The following RERE variants were observed in gnomAD, a reference collection of about 807,000 sequenced individuals.
The protein encoded by RERE is arginine-glutamic acid dipeptide repeats, also known as arginine-glutamic acid dipeptide repeats protein.
A neutral mutation model predicts 146.1 loss-of-function variants in RERE; 40 were observed. The ratio of observed to expected loss-of-function variants is 0.27; its 90% CI spans 0.21 to 0.36. RERE has a LOEUF of 0.36. RERE is among the 10% of genes least tolerant of loss of function. RERE has a pLI of 1.00. For synonymous variants in RERE, 1,003 were observed against 866.0 expected, an observed-to-expected ratio of 1.16 and a Z score of -2.78; for missense variants, 1,933 against 2,138.7, an observed-to-expected ratio of 0.90 and a Z score of 1.90.
intron 1 of RERE, among the ~76,000 whole-genome samples, chr1:8,776,725 A>C (rs1033546402): frequency 4.0e-5 from 6 of 151,628 alleles, no homozygotes; most frequent in African/African-American, 1.5e-4. Context: ...TTTTTATTTT[A>C]TTATCTTTTT....
In RERE at chr1:8,361,127, G is replaced by A. The variant is rs1295226873; in HGVS notation, c.2380C>T (p.Pro794Ser). 7.6e-6 allele frequency: 11 copies of A among 1,445,216 alleles called. No homozygotes were observed. Among genetic ancestry groups the A allele is most frequent in the African/African-American group, 1.4e-5 (1 of 69,824 alleles). 89.5% of individuals were successfully genotyped at this position (1,445,216 alleles called of 1,614,324 possible). ...APNQPQAPTA[P>S]VPHTHIQQAP... ...TGTTGGATGTGGGTGTGGGGAACAG[G>A]CGCTGTGGGAGCCTGTGGCTGGTTA... Residue 794 changes from proline to serine, a missense_variant, in exon 18 of 23, where the codon CCT becomes TCT. Pro to Ser is a moderately conservative substitution (Grantham distance 74, BLOSUM62 -1). Coordinates refer to ENST00000400908, the MANE Select transcript of RERE (RefSeq NM_001042681.2).
At chr1:8,743,394 T>C (rs2124506017) in intron 1 of RERE, among the ~76,000 whole-genome samples, 1 of 150,826 alleles carries the variant, frequency 6.6e-6, no homozygotes, top group South Asian at 2.1e-4. Context: ...TCCTCCCACC[T>C]CAGCCTCCCG....
chr1:8,436,902 G>C (rs936090795), intron 11 of RERE, among the ~76,000 whole-genome samples: 1 of 152,148 alleles, frequency 6.6e-6, no homozygotes, highest in Non-Finnish European at 1.5e-5. Flanking sequence ...AGCCACAAGA[G>C]ACCAGTGGTT....
chr1:8,453,215 C>T (rs1644408857), intron 11 of RERE, among the ~76,000 whole-genome samples: 1 of 152,184 alleles, frequency 6.6e-6, no homozygotes, highest in Admixed American at 6.5e-5. Flanking sequence ...GTTGGGTTGT[C>T]TCAAAGGACG....
intron 2 of RERE, among the ~76,000 whole-genome samples, chr1:8,625,424 T>G (rs909013061): frequency 4.6e-5 from 7 of 152,194 alleles, no homozygotes; most frequent in Admixed American, 3.9e-4. Flanking sequence ...TACTGAAAAG[T>G]AAAGGCACAG....
At position 8,502,230 on chromosome 1, in the gene RERE, T is replaced by C. The variant is rs868173644; in HGVS notation, c.880-4701A>G. 3.4e-4 allele frequency among the ~76,000 whole-genome samples: 27 copies of C among 80,078 alleles called. 1 individual carries two copies. Among genetic ancestry groups the C allele is most frequent in the African/African-American group, 9.9e-4 (19 of 19,222 alleles). 52.5% of individuals were successfully genotyped at this position (80,078 alleles called of 152,430 possible). A position where few individuals can be genotyped will look rare whatever the true frequency, so the allele number is the denominator to read the frequency against. ...GAGGTGGGGGGATCAGCCCCCCGCC[T>C]GGCCAGCCACCCCGTCCGGGAGGTG... On this transcript the variant is annotated intron_variant, in intron 8 of 22. Coordinates refer to ENST00000400908, the MANE Select transcript of RERE (RefSeq NM_001042681.2).
intron 7 of RERE, among the ~76,000 whole-genome samples, chr1:8,539,436 T>C (rs1380841702): frequency 6.6e-6 from 1 of 152,086 alleles, no homozygotes; most frequent in Non-Finnish European, 1.5e-5. Context: ...GATGGAGTCT[T>C]GCTCTGTTGC....
At chr1:8,617,324 C>T (rs991888656) in intron 3 of RERE, among the ~76,000 whole-genome samples, 8 of 102,314 alleles carry the variant, frequency 7.8e-5, no homozygotes, top group African/African-American at 3.2e-4. Context: ...GCCTGGGTGA[C>T]AAGAGTGAAA....
intron 1 of RERE, among the ~76,000 whole-genome samples, chr1:8,681,862 T>C (rs1412855149): frequency 6.6e-6 from 1 of 152,156 alleles, no homozygotes; most frequent in Non-Finnish European, 1.5e-5. Context: ...AAGGCGAAAT[T>C]GATTCTTTTA....
Position 8,501,034 on chromosome 1 carries a change from G to GAC in RERE, c.880-3506_880-3505insGT, listed in dbSNP as rs1412649059. Among the ~76,000 whole-genome samples, 33 of 133,562 alleles carry GAC rather than the reference G, an allele frequency of 2.5e-4. 1 individual carries two copies. The highest frequency in any genetic ancestry group is 1.0e-3 in the African/African-American group (31 of 30,542). 87.6% of individuals were successfully genotyped at this position (133,562 alleles called of 152,430 possible). ...CCCGGCAGCCACCCCGTCCGGGAGGGGGGGGGGGGGTCAGCCCCCCGCCCG... is the reference window on the plus strand; with the variant it reads ...CCCGGCAGCCACCCCGTCCGGGAGGGACGGGGGGGGGGTCAGCCCCCCGCCCG... On this transcript the variant is annotated intron_variant, in intron 8 of 22. Coordinates refer to ENST00000400908, the MANE Select transcript of RERE (RefSeq NM_001042681.2).
intron 1 of RERE, among the ~76,000 whole-genome samples, chr1:8,715,140 G>A (rs922820527): frequency 5.3e-5 from 8 of 151,858 alleles, no homozygotes; most frequent in Non-Finnish European, 7.4e-5. Context: ...CCAAAGTGCC[G>A]GGATTACAGT....
intron 7 of RERE, among the ~76,000 whole-genome samples, chr1:8,540,409 G>A (rs888884010): frequency 1.3e-5 from 2 of 152,182 alleles, no homozygotes; most frequent in Admixed American, 1.3e-4. Context: ...CACTGCACCT[G>A]GCCGGGGATG....
At chr1:8,430,251 C>T (rs1456161177) in intron 11 of RERE, among the ~76,000 whole-genome samples, 1 of 152,162 alleles carries the variant, frequency 6.6e-6, no homozygotes, top group Non-Finnish European at 1.5e-5. Flanking sequence ...TTGAGTAAGG[C>T]ACTACTTTTT....
chr1:8,709,780 A>C (rs1051457035), intron 1 of RERE, among the ~76,000 whole-genome samples: 2 of 152,160 alleles, frequency 1.3e-5, no homozygotes, highest in African/African-American at 4.8e-5. Context: ...GTGCTACAAC[A>C]AACTTCTTTG....
intron 1 of RERE, among the ~76,000 whole-genome samples, chr1:8,668,924 CTGTGTGTGTGTGTGTGTG>C (rs58718828): frequency 2.4e-5 from 2 of 83,536 alleles, no homozygotes; most frequent in South Asian, 4.1e-4. Context: ...GCACTAAACT[CTGTGTGTGTGTGTGTGTG>C]TGTGTGTGTG....
chr1:8,561,241 A>G (rs1363931258), intron 4 of RERE, among the ~76,000 whole-genome samples: 1 of 152,246 alleles, frequency 6.6e-6, no homozygotes, highest in Admixed American at 6.5e-5. Context: ...ATAACCAGGG[A>G]GTGGCAGCAT....
chr1:8,415,614 A>G (rs182998486), intron 12 of RERE, among the ~76,000 whole-genome samples: 1 of 152,262 alleles, frequency 6.6e-6, no homozygotes, highest in East Asian at 1.9e-4. Context: ...AAGTCACCCA[A>G]TTTTTTAATA....
intron 1 of RERE, among the ~76,000 whole-genome samples, chr1:8,745,064 G>C (rs1399446551): frequency 6.6e-6 from 1 of 152,082 alleles, no homozygotes; most frequent in Non-Finnish European, 1.5e-5. Context: ...ATGGTGATTT[G>C]GTTTGGCTGT....
At chr1:8,398,049 G>A (rs1437690426) in intron 12 of RERE, among the ~76,000 whole-genome samples, 2 of 152,244 alleles carry the variant, frequency 1.3e-5, no homozygotes, top group African/African-American at 4.8e-5. Context: ...GGCCCTAAGA[G>A]AGGCATGATG....
Sources: gnomAD v4.1 joint callset for allele counts (sites outside exome capture counted in the v4.1 genomes callset) on GRCh38, gnomAD v4.1.1 for gene constraint, MANE v1.5 for transcripts, NCBI Gene and HGNC (gene_info 2026-07-23, HGNC 2026-07-21) for gene names.